The following KLHDC7A variants were observed in gnomAD, a reference collection of about 807,000 sequenced individuals.
KLHDC7A encodes kelch domain containing 7A.
For synonymous variants in KLHDC7A, 464 were observed against 461.0 expected (o/e 1.01, Z -0.08); for missense variants, 1,123 against 1,052.6 (o/e 1.07, Z -0.93).
rs1279580683 is a variant in KLHDC7A, at chr1:18,482,914, T to C, written c.1933T>C (p.Phe645Leu). The change falls in exon 1 of 1, where the codon TTC (phenylalanine) becomes CTC (leucine). Residue 645 changes from phenylalanine (F) to leucine (L), a missense_variant. Coordinates refer to ENST00000400664, the MANE Select transcript of KLHDC7A (RefSeq NM_152375.3). ...EIFVTGGSLRFLLFRFSAQEQ... is the reference protein window; with the variant it reads ...EIFVTGGSLRLLLFRFSAQEQ... ...CTTCGTCACCGGCGGCTCGCTGCGCTTCCTGCTGTTCCGCTTCTCTGCGCA... is the reference window on the plus strand; with the variant it reads ...CTTCGTCACCGGCGGCTCGCTGCGCCTCCTGCTGTTCCGCTTCTCTGCGCA... The C allele has an allele frequency of 1.9e-6, 3 of 1,610,654 alleles. No homozygotes were observed. In the East Asian group the frequency reaches 6.7e-5, roughly 36 times the overall value.
At position 18,483,473 on chromosome 1, in the gene KLHDC7A, G is replaced by A; in HGVS notation, c.*158G>A. On this transcript the variant is annotated 3_prime_UTR_variant, in exon 1 of 1. Transcript: ENST00000400664. ...TTCTCCTCCCCTAGCTGGGGAGAGA[G>A]GGATCTTAGATGAGTCTTACCCTTC... 1 of 1,457,272 alleles carries A rather than the reference G, an allele frequency of 6.9e-7. No individual in the cohort carries two copies. Among genetic ancestry groups the A allele is most frequent in the Non-Finnish European group, 9.1e-7 (1 of 1,103,838 alleles). 90.3% of individuals were successfully genotyped at this position (1,457,272 alleles called of 1,614,324 possible).
In KLHDC7A at chr1:18,483,158, A is replaced by C. The variant is rs1476877535; in HGVS notation, c.2177A>C (p.Tyr726Ser). The C allele has an allele frequency of 6.2e-7, 1 of 1,614,012 alleles. No individual in the cohort carries two copies. The highest frequency in any genetic ancestry group is 1.7e-5 in the Admixed American group (1 of 60,028). Residue 726 changes from tyrosine (Y) to serine (S), a missense_variant, in exon 1 of 1, where the codon TAC becomes TCC. Physicochemically the swap from Tyr to Ser is moderately radical, Grantham distance 144. Coordinates refer to ENST00000400664, the MANE Select transcript of KLHDC7A (RefSeq NM_152375.3). ...TGCGCCGTGGTGGACAACCTCATCT[A>C]CTGCGTGGGACGCCGGAGCACCCTC... is the stretch of plus-strand genomic sequence containing the variant. ...FQCAVVDNLI[Y>S]CVGRRSTLCF...
rs757312715 is a variant in KLHDC7A, at chr1:18,483,388, C to A, written c.*73C>A. ...CCACTGCCAGCCGTCCCTCTGGGGG[C>A]CATTTCTAGGCAAACAGGCAACCCA... On this transcript the variant is annotated 3_prime_UTR_variant, in exon 1 of 1. Coordinates refer to ENST00000400664, the MANE Select transcript of KLHDC7A (RefSeq NM_152375.3). 20 of 1,555,632 alleles carry A rather than the reference C, an allele frequency of 1.3e-5. No homozygotes were observed. The highest frequency in any genetic ancestry group is 2.7e-5 in the African/African-American group (2 of 73,454).
In KLHDC7A at chr1:18,482,294, T is replaced by TGCTGAC; in HGVS notation, c.1314_1319dup (p.Thr440_Leu441dup). The TGCTGAC allele has an allele frequency of 6.2e-7, 1 of 1,602,604 alleles. No homozygotes were observed. Among genetic ancestry groups the TGCTGAC allele is most frequent in the Non-Finnish European group, 8.5e-7 (1 of 1,179,952 alleles). On this transcript the variant is annotated inframe_insertion, in exon 1 of 1. Coordinates refer to ENST00000400664, the MANE Select transcript of KLHDC7A (RefSeq NM_152375.3). ...CTGGATCTGGGCAATTGCTATGAGG[T>TGCTGAC]GCTGACCTTGGCCAAGAGGCAGAAC... is the stretch of plus-strand genomic sequence containing the variant.
At position 18,481,893 on chromosome 1, in the gene KLHDC7A, C is replaced by T. The variant is rs780919438; in HGVS notation, c.912C>T (p.Gly304=). The T allele has an allele frequency of 3.2e-5, 52 of 1,613,356 alleles. No individual in the cohort carries two copies. Among genetic ancestry groups the T allele is most frequent in the East Asian group, 4.5e-5 (2 of 44,882 alleles). The change falls in exon 1 of 1, where the codon GGC becomes GGT. Residue 304 remains glycine, a synonymous_variant. Coordinates refer to ENST00000400664, the MANE Select transcript of KLHDC7A (RefSeq NM_152375.3). ...VESTSQAIFQ[G]RLAPRTAALT... ...CTACCTCTCAGGCCATCTTCCAGGG[C>T]AGGCTGGCTCCCAGGACAGCAGCCC...
Position 18,481,504 on chromosome 1 carries a change from G to A in KLHDC7A, c.523G>A (p.Ala175Thr), listed in dbSNP as rs1420184777. 6.2e-7 allele frequency: 1 copy of A among 1,613,236 alleles called. No individual in the cohort carries two copies. The highest frequency in any genetic ancestry group is 8.5e-7 in the Non-Finnish European group (1 of 1,180,032). ...PKSSPAGLIAAADGSCAGGEP... is the reference protein window; with the variant it reads ...PKSSPAGLIATADGSCAGGEP... ...GAGCTCCCCAGCTGGACTCATTGCA[G>A]CAGCCGACGGCAGCTGTGCCGGTGG... Residue 175 changes from alanine to threonine, a missense_variant, in exon 1 of 1, where the codon GCA (alanine) becomes ACA (threonine). Transcript: ENST00000400664.
chr1:18,482,402 G>A lies in KLHDC7A; in HGVS notation c.1421G>A (p.Cys474Tyr). The A allele has an allele frequency of 6.2e-7, 1 of 1,606,948 alleles. No homozygotes were observed. The highest frequency in any genetic ancestry group is 1.1e-5 in the South Asian group (1 of 91,090). Residue 474 changes from cysteine to tyrosine, a missense_variant, in exon 1 of 1, where the codon TGC becomes TAC. Physicochemically the swap from Cys to Tyr is radical, Grantham distance 194 (BLOSUM62 -2). Transcript: ENST00000400664. ...QVLRSPDIYG[C>Y]LSGAERELIL... ...CTGCGCAGCCCGGACATCTACGGGT[G>A]CCTGAGCGGGGCAGAGCGCGAGCTG...
At position 18,481,991 on chromosome 1, in the gene KLHDC7A, G is replaced by C. The variant is rs140251743; in HGVS notation, c.1010G>C (p.Gly337Ala). Residue 337 changes from glycine to alanine, a missense_variant, in exon 1 of 1, where the codon GGT becomes GCT. Coordinates refer to ENST00000400664, the MANE Select transcript of KLHDC7A (RefSeq NM_152375.3). ...GTGAASGGQAGDTKGAAERAA... is the reference protein window; with the variant it reads ...GTGAASGGQAADTKGAAERAA... ...GGGGCTGCCTCGGGAGGCCAAGCCG[G>C]TGACACAAAGGGTGCAGCCGAAAGA... 4.7e-4 allele frequency: 758 copies of C among 1,612,948 alleles called. 4 individuals carry two copies. In the African/African-American group the frequency reaches 7.8e-3, roughly 17 times the overall value.
rs779933830 is a variant in KLHDC7A, at chr1:18,481,186, CAGG to C, written c.209_211del (p.Glu70del). 6.2e-7 allele frequency: 1 copy of C among 1,602,026 alleles called. No individual in the cohort carries two copies. The highest frequency in any genetic ancestry group is 8.5e-7 in the Non-Finnish European group (1 of 1,173,472). ...AGAGGGCTCAGGGCAGCCTGCTGTA[CAGG>C]AGGCTTCTCCTGGGGTGCTCCTGAG... On this transcript the variant is annotated inframe_deletion, in exon 1 of 1. Coordinates refer to ENST00000400664, the MANE Select transcript of KLHDC7A (RefSeq NM_152375.3).
In KLHDC7A at chr1:18,481,835, T is replaced by TC. The variant is rs1380768047; in HGVS notation, c.855dup (p.Lys286GlnfsTer30). 1 of 1,613,884 alleles carries TC rather than the reference T, an allele frequency of 6.2e-7. No individual in the cohort carries two copies. The highest frequency in any genetic ancestry group is 1.3e-5 in the African/African-American group (1 of 74,908). ...AAGGCGGAGGGGGTTGAGCCCCGGC[T>TC]CAAGGGCAAGGTGTACGACTACTAT... On this transcript the variant is annotated frameshift_variant, in exon 1 of 1. Transcript: ENST00000400664. LOFTEE classifies it low-confidence loss of function (END_TRUNC).
Position 18,481,374 on chromosome 1 carries a change from G to C in KLHDC7A, c.393G>C (p.Ser131=), listed in dbSNP as rs781393477. The change falls in exon 1 of 1, where the codon TCG becomes TCC. Residue 131 remains serine (S), a synonymous_variant. Transcript: ENST00000400664. The part of the protein sequence containing the change: ...GSGEERGGQG[S]DSEQVPPCCP... ...GTGAGGAGCGGGGCGGGCAGGGCTC[G>C]GACTCTGAGCAGGTGCCTCCTTGCT... The C allele has an allele frequency of 3.7e-6, 6 of 1,610,726 alleles. No individual in the cohort carries two copies. In the South Asian group the frequency reaches 5.5e-5, roughly 15 times the overall value.
In KLHDC7A at chr1:18,482,293, G is replaced by T. The variant is rs1223563653; in HGVS notation, c.1312G>T (p.Val438Leu). 6.2e-7 allele frequency: 1 copy of T among 1,602,746 alleles called. No homozygotes were observed. The highest frequency in any genetic ancestry group is 1.3e-5 in the African/African-American group (1 of 75,062). Residue 438 changes from valine to leucine, a missense_variant, in exon 1 of 1, where the codon GTG becomes TTG. Val to Leu is a conservative substitution (Grantham distance 32, BLOSUM62 1). Transcript: ENST00000400664. ...VRLDLGNCYE[V>L]LTLAKRQNLE... ...CCTGGATCTGGGCAATTGCTATGAG[G>T]TGCTGACCTTGGCCAAGAGGCAGAA...
rs2086907223 is a variant in KLHDC7A, at chr1:18,482,893, G to A, written c.1912G>A (p.Val638Ile). Residue 638 changes from valine (V) to isoleucine (I), a missense_variant, in exon 1 of 1, where the codon GTC becomes ATC. Coordinates refer to ENST00000400664, the MANE Select transcript of KLHDC7A (RefSeq NM_152375.3). ...CACGGTGCGTGCCAAGGAAATCTTC[G>A]TCACCGGCGGCTCGCTGCGCTTCCT... ...TATVRAKEIF[V>I]TGGSLRFLLF... 1.2e-6 allele frequency: 2 copies of A among 1,610,516 alleles called. No individual in the cohort carries two copies. Among genetic ancestry groups the A allele is most frequent in the Non-Finnish European group, 1.7e-6 (2 of 1,179,396 alleles).
rs1363605580 is a variant in KLHDC7A, at chr1:18,482,540, C to T, written c.1559C>T (p.Pro520Leu). 4.3e-6 allele frequency: 7 copies of T among 1,611,978 alleles called. No individual in the cohort carries two copies. Among genetic ancestry groups the T allele is most frequent in the Non-Finnish European group, 5.9e-6 (7 of 1,179,938 alleles). Reference sequence around the variant, plus strand: ...GACGATGAGCAGGATGTCTGGCGCCCGCTGGCTCGCATGCCCCCCGAGGCC... The same window carrying T: ...GACGATGAGCAGGATGTCTGGCGCCTGCTGGCTCGCATGCCCCCCGAGGCC... ...CYDDEQDVWR[P>L]LARMPPEAVS... is the part of the protein sequence containing the mutation. The change falls in exon 1 of 1, where the codon CCG (proline) becomes CTG (leucine). Residue 520 changes from proline to leucine, a missense_variant. Coordinates refer to ENST00000400664, the MANE Select transcript of KLHDC7A (RefSeq NM_152375.3).
Position 18,482,631 on chromosome 1 carries a change from G to T in KLHDC7A, c.1650G>T (p.Gly550=). 6.2e-7 allele frequency: 1 copy of T among 1,608,814 alleles called. No homozygotes were observed. Among genetic ancestry groups the T allele is most frequent in the Non-Finnish European group, 8.5e-7 (1 of 1,179,068 alleles). ...TCTTCGTGGTGTCCGGCTGCCAGGG[G>T]CCCGGGCACCAGCCCTCCAGCCGCG... The part of the protein sequence containing the change: ...NYLFVVSGCQ[G]PGHQPSSRVF... The change falls in exon 1 of 1, where the codon GGG becomes GGT. Residue 550 remains glycine (G), a synonymous_variant. Transcript: ENST00000400664.
rs777463267 is a variant in KLHDC7A, at chr1:18,482,447, G to C, written c.1466G>C (p.Arg489Pro). Reference protein sequence around the residue: ...ERELILQRRLRGRQYLVVADV... With the variant: ...ERELILQRRLPGRQYLVVADV... ...GAGCTGATCCTGCAGCGCCGGCTCCGGGGCCGCCAGTACCTGGTGGTGGCT... is the reference window on the plus strand; with the variant it reads ...GAGCTGATCCTGCAGCGCCGGCTCCCGGGCCGCCAGTACCTGGTGGTGGCT... Residue 489 changes from arginine (R) to proline (P), a missense_variant, in exon 1 of 1, where the codon CGG (arginine) becomes CCG (proline). Arg to Pro is a moderately radical substitution (Grantham distance 103). Transcript: ENST00000400664. 3.1e-6 allele frequency: 5 copies of C among 1,610,038 alleles called. No homozygotes were observed. Among genetic ancestry groups the C allele is most frequent in the Non-Finnish European group, 4.2e-6 (5 of 1,179,822 alleles).
rs2086929685 is a variant in KLHDC7A, at chr1:18,485,899, C to T, written c.*2584C>T. ...ATTTTTAAGTTTTCTTTTTGTTTCA[C>T]TGGAAAGGAAAGATGATGCTCTGTT... On this transcript the variant is annotated 3_prime_UTR_variant, in exon 1 of 1. Coordinates refer to ENST00000400664, the MANE Select transcript of KLHDC7A (RefSeq NM_152375.3). 1.2e-5 allele frequency: 2 copies of T among 165,688 alleles called. No individual in the cohort carries two copies. Among genetic ancestry groups the T allele is most frequent in the Admixed American group, 6.6e-5 (1 of 15,092 alleles). 10.3% of individuals were successfully genotyped at this position (165,688 alleles called of 1,614,324 possible). A position where few individuals can be genotyped will look rare whatever the true frequency, so the allele number is the denominator to read the frequency against.
chr1:18,482,476 G>A lies in KLHDC7A; in HGVS notation c.1495G>A (p.Val499Met), dbSNP rs201579788. The part of the protein sequence containing the change: ...RGRQYLVVAD[V>M]CPKEDSGGLC... ...CCGCCAGTACCTGGTGGTGGCTGAC[G>A]TGTGCCCCAAGGAAGACTCCGGCGG... is the stretch of plus-strand genomic sequence containing the variant. Residue 499 changes from valine to methionine, a missense_variant, in exon 1 of 1, where the codon GTG (valine) becomes ATG (methionine). Physicochemically the swap from Val to Met is conservative, Grantham distance 21. Coordinates refer to ENST00000400664, the MANE Select transcript of KLHDC7A (RefSeq NM_152375.3). 8.7e-6 allele frequency: 14 copies of A among 1,611,426 alleles called. No homozygotes were observed. In the Admixed American group the frequency reaches 1.8e-4, roughly 21 times the overall value.
rs1413486381 is a variant in KLHDC7A at position 18,483,395 on chromosome 1, T to G, written c.*80T>G. ...CAGCCGTCCCTCTGGGGGCCATTTC[T>G]AGGCAAACAGGCAACCCAGGAATGT... On this transcript the variant is annotated 3_prime_UTR_variant, in exon 1 of 1. Coordinates refer to ENST00000400664, the MANE Select transcript of KLHDC7A (RefSeq NM_152375.3). 42 of 1,548,600 alleles carry G rather than the reference T, an allele frequency of 2.7e-5. No homozygotes were observed. In the East Asian group the frequency reaches 9.0e-4, roughly 33 times the overall value.
Sources: gnomAD v4.1 joint callset for allele counts on GRCh38, gnomAD v4.1.1 for gene constraint, MANE v1.5 for transcripts, NCBI Gene and HGNC (gene_info 2026-07-23, HGNC 2026-07-21) for gene names.